The following TMEM132B variants were observed in gnomAD, a reference collection of about 807,000 sequenced individuals.
TMEM132B encodes the protein transmembrane protein 132B.
In TMEM132B, 18 loss-of-function variants were observed where a neutral mutation model predicts 90.8. The ratio of observed to expected loss-of-function variants is 0.20; its 90% CI spans 0.14 to 0.29. The LOEUF (loss-of-function observed/expected upper bound fraction) is 0.29, where lower values mean the gene tolerates loss of function less well. TMEM132B is among the 10% of genes least tolerant of loss of function. TMEM132B has a pLI of 1.00. For synonymous variants in TMEM132B, 504 were observed against 523.3 expected, an observed-to-expected ratio of 0.96 and a Z score of 0.50; for missense variants, 1,096 against 1,326.8, an observed-to-expected ratio of 0.83 and a Z score of 2.70.
At chr12:125,345,809 A>T (rs572949615) in intron 1 of TMEM132B, among the ~76,000 whole-genome samples, 2 of 152,266 alleles carry the variant, frequency 1.3e-5, no homozygotes, top group Admixed American at 6.5e-5. Flanking sequence ...TCCAGTGGTA[A>T]ATACCTCTCT....
At chr12:125,328,117 G>A (rs1454234573) in intron 1 of TMEM132B, among the ~76,000 whole-genome samples, 2 of 152,202 alleles carry the variant, frequency 1.3e-5, no homozygotes, top group Non-Finnish European at 2.9e-5. Context: ...CGTAATAGCA[G>A]AGTGATGTCT....
In TMEM132B at chr12:125,408,764, G is replaced by A. The variant is rs915651128; in HGVS notation, c.960-6767G>A. Reference sequence around the variant, plus strand: ...GTGGCAATGCTGTTACAGGGTCTACGGAAATTCAGGCTTTGTAGTTATCAC... The same window carrying A: ...GTGGCAATGCTGTTACAGGGTCTACAGAAATTCAGGCTTTGTAGTTATCAC... On this transcript the variant is annotated intron_variant, in intron 2 of 8. Coordinates refer to ENST00000682704, the MANE Select transcript of TMEM132B (RefSeq NM_001366854.1). The surrounding 1 kb of genome is among the most constrained non-coding windows in gnomAD (Gnocchi z 5.9). Among the ~76,000 whole-genome samples, 2 of 152,030 alleles carry A rather than the reference G, an allele frequency of 1.3e-5. No homozygotes were observed. The highest frequency in any genetic ancestry group is 2.9e-5 in the Non-Finnish European group (2 of 68,016).
At chr12:125,297,781 G>A (rs1250899053) in intron 1 of TMEM132B, among the ~76,000 whole-genome samples, 1 of 152,090 alleles carries the variant, frequency 6.6e-6, no homozygotes. Context: ...TTCTAGGAGT[G>A]AGTGGACCCA....
chr12:125,494,344 G>A lies in TMEM132B; in HGVS notation c.1107-25095G>A, dbSNP rs1472638926. On this transcript the variant is annotated intron_variant, in intron 3 of 8. Coordinates refer to ENST00000682704, the MANE Select transcript of TMEM132B (RefSeq NM_001366854.1). ...CTCCCCCTCCTCACTGGAAAAGGATGCGTCCCTCCGCCCCCTCCTCCCTGG... is the reference window on the plus strand; with the variant it reads ...CTCCCCCTCCTCACTGGAAAAGGATACGTCCCTCCGCCCCCTCCTCCCTGG... 6.5e-5 allele frequency among the ~76,000 whole-genome samples: 7 copies of A among 107,584 alleles called. No homozygotes were observed. In the South Asian group the frequency reaches 1.3e-3, roughly 20 times the overall value. 70.6% of individuals were successfully genotyped at this position (107,584 alleles called of 152,430 possible).
chr12:125,608,663 G>C (rs954238876), intron 5 of TMEM132B, among the ~76,000 whole-genome samples: 1 of 152,082 alleles, frequency 6.6e-6, no homozygotes, highest in African/African-American at 2.4e-5. Flanking sequence ...AAGTCATAAA[G>C]TTTTCCACAT....
intron 1 of TMEM132B, among the ~76,000 whole-genome samples, chr12:125,228,658 G>A (rs1272297804): frequency 6.6e-6 from 1 of 152,182 alleles, no homozygotes; most frequent in Non-Finnish European, 1.5e-5. Flanking sequence ...ATGGTGCATG[G>A]AGGGTTGGAT....
chr12:125,243,277 G>T (rs941858245), intron 1 of TMEM132B, among the ~76,000 whole-genome samples: 6 of 150,764 alleles, frequency 4.0e-5, no homozygotes, highest in African/African-American at 1.5e-4. Flanking sequence ...TGAGTAGCTG[G>T]GACTACAGGC....
intron 1 of TMEM132B, among the ~76,000 whole-genome samples, chr12:125,194,297 C>T (rs1443399621): frequency 2.0e-5 from 3 of 152,004 alleles, no homozygotes; most frequent in Admixed American, 6.5e-5. Context: ...ATTGTGGCCA[C>T]GCCTCCGAGT....
chr12:125,299,698 G>A (rs777346818), intron 1 of TMEM132B, among the ~76,000 whole-genome samples: 7 of 152,172 alleles, frequency 4.6e-5, no homozygotes, highest in Admixed American at 1.3e-4. Context: ...ATGTCACCAC[G>A]TCAGTGTCAG....
At chr12:125,611,045 A>C (rs1369024391) in intron 5 of TMEM132B, among the ~76,000 whole-genome samples, 1 of 151,950 alleles carries the variant, frequency 6.6e-6, no homozygotes, top group Non-Finnish European at 1.5e-5. Context: ...TCTTCTTCTT[A>C]TTTTTGATTA....
chr12:125,618,672 G>A (rs907142863), intron 5 of TMEM132B, among the ~76,000 whole-genome samples: 11 of 151,130 alleles, frequency 7.3e-5, no homozygotes, highest in African/African-American at 2.4e-4. Flanking sequence ...TCCTTTAAAT[G>A]TTTTTTTTTA....
intron 1 of TMEM132B, among the ~76,000 whole-genome samples, chr12:125,202,050 C>A (rs1021720922): frequency 6.6e-6 from 1 of 152,192 alleles, no homozygotes; most frequent in Non-Finnish European, 1.5e-5. Flanking sequence ...GGTAAACTTT[C>A]TCCTCCCCCT....
intron 1 of TMEM132B, among the ~76,000 whole-genome samples, chr12:125,217,704 T>G (rs913050419): frequency 1.3e-5 from 2 of 152,212 alleles, no homozygotes; most frequent in African/African-American, 2.4e-5. Context: ...TCTTCCCTCC[T>G]TGGCCTCCCA....
intron 3 of TMEM132B, among the ~76,000 whole-genome samples, chr12:125,497,469 C>A (rs1882591433): frequency 6.6e-6 from 1 of 152,142 alleles, no homozygotes; most frequent in Admixed American, 6.5e-5. Context: ...TCCAAGGTTC[C>A]ATACTTTATT....
At position 125,429,234 on chromosome 12, in the gene TMEM132B, C is replaced by G. The variant is rs139219704; in HGVS notation, c.1106+13557C>G. 8.2e-3 allele frequency among the ~76,000 whole-genome samples: 1,237 copies of G among 151,068 alleles called. 17 individuals are homozygous for G. Among genetic ancestry groups the G allele is most frequent in the African/African-American group, 0.027 (1,126 of 41,018 alleles). ...TTTTTTTTCAAGAGGGAGTCTCACTCTATCACCCAGGCTGGAATGCAGTGG... is the reference window on the plus strand; with the variant it reads ...TTTTTTTTCAAGAGGGAGTCTCACTGTATCACCCAGGCTGGAATGCAGTGG... On this transcript the variant is annotated intron_variant, in intron 3 of 8. Coordinates refer to ENST00000682704, the MANE Select transcript of TMEM132B (RefSeq NM_001366854.1).
intron 1 of TMEM132B, among the ~76,000 whole-genome samples, chr12:125,327,938 G>A (rs761940943): frequency 1.4e-4 from 22 of 152,276 alleles, no homozygotes; most frequent in Non-Finnish European, 2.1e-4. Flanking sequence ...TTTTGGCACC[G>A]GGGGTCTTGG....
At chr12:125,526,759 G>A (rs543794891) in intron 4 of TMEM132B, among the ~76,000 whole-genome samples, 3 of 150,396 alleles carry the variant, frequency 2.0e-5, no homozygotes, top group African/African-American at 7.5e-5. Context: ...TGGACACCAG[G>A]GTGGGGGCTG....
At chr12:125,424,686 G>A (rs1880263427) in intron 3 of TMEM132B, among the ~76,000 whole-genome samples, 3 of 152,216 alleles carry the variant, frequency 2.0e-5, no homozygotes, top group Admixed American at 1.3e-4. Context: ...GAGCCCCTCA[G>A]TGGTTAGGGA....
At chr12:125,376,378 C>T (rs1190120556) in intron 2 of TMEM132B, among the ~76,000 whole-genome samples, 1 of 152,040 alleles carries the variant, frequency 6.6e-6, no homozygotes, top group East Asian at 1.9e-4. Flanking sequence ...AGTAATAATA[C>T]AGATGGTACC....
Sources: allele counts gnomAD v4.1 joint callset (sites outside exome capture counted in the v4.1 genomes callset), GRCh38; gene constraint gnomAD v4.1.1; non-coding constraint Gnocchi (gnomAD v3.1); transcripts MANE v1.5; gene names NCBI Gene and HGNC (gene_info 2026-07-23, HGNC 2026-07-21).